The following WLS variants were observed in gnomAD, a reference collection of about 807,000 sequenced individuals.
The protein encoded by WLS is protein wntless homolog.
WLS carries 23 observed loss-of-function variants against 62.8 expected under a neutral mutation model. The ratio of observed to expected loss-of-function variants is 0.37; its 90% confidence interval spans 0.26 to 0.52. The LOEUF (loss-of-function observed/expected upper bound fraction) is 0.52. Among genes scored for constraint, WLS ranks in the 20% least tolerant of loss-of-function variants. The pLI, the probability that WLS is intolerant of heterozygous loss-of-function variation, is 0.92. For synonymous variants in WLS, 246 were observed against 244.1 expected, an observed-to-expected ratio of 1.01 and a Z score of -0.07; for missense variants, 615 against 697.3, an observed-to-expected ratio of 0.88 and a Z score of 1.33.
intron 10 of WLS, among the ~76,000 whole-genome samples, chr1:68,144,332 T>C (rs1646725190): frequency 6.6e-6 from 1 of 152,226 alleles, no homozygotes; most frequent in African/African-American, 2.4e-5. Context: ...TGCCCTTCAA[T>C]CTGGCTGTAG....
intron 2 of WLS, among the ~76,000 whole-genome samples, chr1:68,189,327 GA>G (rs139643021): frequency 0.063 from 9,485 of 151,324 alleles, 365 homozygotes; most frequent in Admixed American, 0.096. Flanking sequence ...CAACTTAAAA[GA>G]AAAAAAAATC....
Position 68,200,743 on chromosome 1 carries a change from T to G in WLS, c.107-6516A>C, listed in dbSNP as rs1198706567. ...TTTGAAATGTAGAGAAAACCTCCATTGCACTATGAATGGTATTTATAAGAA... is the reference window on the plus strand; with the variant it reads ...TTTGAAATGTAGAGAAAACCTCCATGGCACTATGAATGGTATTTATAAGAA... On this transcript the variant is annotated intron_variant, in intron 1 of 11. Transcript: ENST00000262348. 2.6e-5 allele frequency among the ~76,000 whole-genome samples: 4 copies of G among 152,204 alleles called. No individual in the cohort carries two copies. The East Asian group carries it at 5.8e-4, about 22-fold the overall frequency.
intron 11 of WLS, among the ~76,000 whole-genome samples, chr1:68,128,571 G>A (rs1646469342): frequency 1.3e-5 from 2 of 152,214 alleles, no homozygotes; most frequent in Non-Finnish European, 2.9e-5. Context: ...ATTCTACTCA[G>A]GCTTTGAACC....
Position 68,148,345 on chromosome 1 carries a change from T to C in WLS, c.1071-146A>G. ...ACATTACAGAAATCCTAAAGAGAAA[T>C]GAAGCTTGTAGAATACATCGGCCCA... On this transcript the variant is annotated intron_variant, in intron 7 of 11. Transcript: ENST00000262348. The C allele has an allele frequency of 6.4e-6, 6 of 943,266 alleles. No homozygotes were observed. In the South Asian group the frequency reaches 6.4e-5, roughly 10 times the overall value. 58.4% of individuals were successfully genotyped at this position (943,266 alleles called of 1,614,324 possible). A position where few individuals can be genotyped will look rare whatever the true frequency, so the allele number is the denominator to read the frequency against.
intron 11 of WLS, among the ~76,000 whole-genome samples, chr1:68,136,519 C>T (rs569577378): frequency 9.9e-5 from 15 of 152,252 alleles, no homozygotes; most frequent in African/African-American, 3.4e-4. Flanking sequence ...CTGTTACCAC[C>T]CCCCGCTTTG....
chr1:68,139,926 A>C lies in WLS; in HGVS notation c.1363-1993T>G, dbSNP rs969361031. Among the ~76,000 whole-genome samples the C allele has an allele frequency of 2.6e-5, 4 of 152,300 alleles. No homozygotes were observed. In the South Asian group the frequency reaches 8.3e-4, roughly 32 times the overall value. On this transcript the variant is annotated intron_variant, in intron 10 of 11. Transcript: ENST00000262348. ...TAATTGAATTTAAAAGTGAGAGGAG[A>C]TGCCAATGTGTGACAAGTGTTATTC...
intron 2 of WLS, among the ~76,000 whole-genome samples, chr1:68,170,880 T>C (rs570056129): frequency 1.3e-3 from 202 of 152,348 alleles, no homozygotes; most frequent in African/African-American, 4.6e-3. Flanking sequence ...TTCACAGTTA[T>C]ATCACTCATG....
intron 11 of WLS, among the ~76,000 whole-genome samples, chr1:68,109,583 CTT>C (rs1445494486): frequency 6.6e-6 from 1 of 151,970 alleles, no homozygotes; most frequent in East Asian, 1.9e-4. Flanking sequence ...TTGAAAAAGA[CTT>C]AAACATAACT....
chr1:68,124,543 C>T (rs1001566390), downstream of WLS, among the ~76,000 whole-genome samples: 33 of 139,314 alleles, frequency 2.4e-4, no homozygotes, highest in Non-Finnish European at 3.6e-4. Context: ...GATAGAGAAA[C>T]GTTCCCTCTA....
chr1:68,204,421 G>A (rs1017589001), intron 1 of WLS, among the ~76,000 whole-genome samples: 1 of 151,924 alleles, frequency 6.6e-6, no homozygotes, highest in African/African-American at 2.4e-5. Context: ...CCGGGTTCAC[G>A]CCATTGTCCT....
intron 2 of WLS, chr1:68,183,470 C>A: frequency 1.9e-6 from 1 of 516,926 alleles, no homozygotes. Flanking sequence ...CCCCATTCAG[C>A]TCTCTTTATG....
chr1:68,104,496 G>A (rs1037701696), intron 11 of WLS, among the ~76,000 whole-genome samples: 5 of 134,896 alleles, frequency 3.7e-5, no homozygotes, highest in African/African-American at 8.0e-5. Flanking sequence ...CTTTGTAGGT[G>A]CAATATCATA....
At chr1:68,200,614 A>G (rs995181272) in intron 1 of WLS, among the ~76,000 whole-genome samples, 4 of 151,826 alleles carry the variant, frequency 2.6e-5, no homozygotes, top group Non-Finnish European at 5.9e-5. Flanking sequence ...ACAGCTGGGA[A>G]ATATAAGCTC....
intron 1 of WLS, among the ~76,000 whole-genome samples, chr1:68,203,414 T>C (rs1649131366): frequency 1.3e-5 from 2 of 152,208 alleles, no homozygotes; most frequent in Non-Finnish European, 2.9e-5. Context: ...TGGCCATAAG[T>C]AGCTTGCTGA....
intron 1 of WLS, among the ~76,000 whole-genome samples, chr1:68,201,743 A>ACC (rs1286338210): frequency 2.0e-5 from 3 of 152,340 alleles, no homozygotes; most frequent in Admixed American, 2.0e-4. Context: ...TTTACACTGA[A>ACC]CCACTACCAC....
chr1:68,173,542 G>T (rs1570948324), intron 2 of WLS, among the ~76,000 whole-genome samples: 1 of 152,156 alleles, frequency 6.6e-6, no homozygotes, highest in African/African-American at 2.4e-5. Flanking sequence ...GAAAGGAAAG[G>T]GATGGCTAAT....
chr1:68,192,767 T>TAAA (rs1557510411), intron 2 of WLS, among the ~76,000 whole-genome samples: 2 of 107,828 alleles, frequency 1.9e-5, no homozygotes, highest in African/African-American at 3.8e-5. Flanking sequence ...ACTCTGTCTC[T>TAAA]TAAAAAAAAA....
chr1:68,219,978 C>T (rs1649878556), intron 1 of WLS, among the ~76,000 whole-genome samples: 1 of 152,090 alleles, frequency 6.6e-6, no homozygotes, highest in Admixed American at 6.6e-5. Flanking sequence ...GGGAATAAAT[C>T]TCTTCCACAT....
rs544386750 is a variant in WLS at position 68,163,222 on chromosome 1, T to C, written c.380-3975A>G. ...TAAATCTGTACACACTATAAATCTG[T>C]ACACTATAAATCTATAGTTCACACG... is the stretch of plus-strand genomic sequence containing the variant. On this transcript the variant is annotated intron_variant, in intron 2 of 11. Transcript: ENST00000262348. The C allele has an allele frequency of 2.8e-5, 17 of 611,430 alleles. No homozygotes were observed. In the African/African-American group the frequency reaches 3.2e-4, roughly 11 times the overall value. 37.9% of individuals were successfully genotyped at this position (611,430 alleles called of 1,614,324 possible).
Sources: allele counts gnomAD v4.1 joint callset (sites outside exome capture counted in the v4.1 genomes callset), GRCh38; gene constraint gnomAD v4.1.1; transcripts MANE v1.5; gene names NCBI Gene and HGNC (gene_info 2026-07-23, HGNC 2026-07-21).